ADAM17: variants seen among roughly 807,000 people sequenced by gnomAD.
ADAM17 encodes the protein ADAM metallopeptidase domain 17.
A neutral mutation model predicts 96.7 loss-of-function variants in ADAM17; 39 were observed. The observed-to-expected ratio is 0.40, with a 90% CI of 0.31 to 0.53. The LOEUF is 0.53. ADAM17 is among the 20% of genes least tolerant of loss of function. The probability of loss-of-function intolerance (pLI) is 0.44; values close to 1 mark genes in which losing one functional copy is unlikely to be tolerated. For missense variants in ADAM17, 777 were observed against 1,013.2 expected (o/e 0.77, Z 3.17); for synonymous variants, 344 against 359.2 (o/e 0.96, Z 0.48).
rs190898474 is a variant in ADAM17, at chr2:9,527,974, C to T, written c.451-20G>A. 9.4e-5 allele frequency: 133 copies of T among 1,421,920 alleles called. No individual in the cohort carries two copies. In the East Asian group the frequency reaches 1.5e-3, roughly 16 times the overall value. The allele number at this position is 1,421,920 out of a possible 1,614,324, so 88.1% of individuals were successfully genotyped here. ...AAGTGGCTAAAACAGAAAATATATA[C>T]GACTGAGATGGAAAACAATAATAAT... On this transcript the variant is annotated intron_variant, in intron 4 of 18. Coordinates refer to ENST00000310823, the MANE Select transcript of ADAM17 (RefSeq NM_003183.6).
intron 7 of ADAM17, 121 bp from the exon 8 acceptor site, chr2:9,521,437 A>G: frequency 1.6e-6 from 1 of 637,154 alleles, no homozygotes; most frequent in African/African-American, 1.9e-5. Context: ...TTTTAAAACC[A>G]AAATTCATAA....
chr2:9,541,542 G>A (rs1471447582), intron 2 of ADAM17, among the ~76,000 whole-genome samples: 2 of 152,110 alleles, frequency 1.3e-5, no homozygotes, highest in African/African-American at 4.8e-5. Flanking sequence ...CAGTCTGGGC[G>A]ACAAGAGCAA....
chr2:9,494,861 G>C, intron 14 of ADAM17, 94 bp from the exon 15 acceptor site: 4 of 1,469,320 alleles, frequency 2.7e-6, no homozygotes, highest in Non-Finnish European at 2.8e-6. Context: ...TCCCAAAGAG[G>C]TAAGAAATCA....
chr2:9,530,233 G>T (rs1478399416), intron 4 of ADAM17, among the ~76,000 whole-genome samples: 1 of 152,158 alleles, frequency 6.6e-6, no homozygotes, highest in Non-Finnish European at 1.5e-5. Context: ...GAATAGGAGT[G>T]AAATTTTTTT....
chr2:9,513,611 G>A (rs1663865261), intron 10 of ADAM17, among the ~76,000 whole-genome samples: 3 of 152,122 alleles, frequency 2.0e-5, no homozygotes, highest in Non-Finnish European at 4.4e-5. Context: ...ATCCCCACAC[G>A]TTTGGTCTGG....
At chr2:9,505,479 C>A in intron 11 of ADAM17, 114 bp from the exon 12 acceptor site, 2 of 1,102,640 alleles carry the variant, frequency 1.8e-6, no homozygotes, top group Non-Finnish European at 2.6e-6. Flanking sequence ...CCATCAGAGC[C>A]ACCCTGGAGT....
intron 4 of ADAM17, among the ~76,000 whole-genome samples, chr2:9,529,123 G>A (rs1215669683): frequency 6.6e-6 from 1 of 152,178 alleles, no homozygotes; most frequent in Non-Finnish European, 1.5e-5. Context: ...CTACAACACA[G>A]ATGAACCTTG....
At chr2:9,546,715 C>CTTTTTTTTTTTTT (rs59009659) in intron 1 of ADAM17, among the ~76,000 whole-genome samples, 1 of 137,828 alleles carries the variant, frequency 7.3e-6, no homozygotes, top group Non-Finnish European at 1.5e-5. Flanking sequence ...TGGCCATATT[C>CTTTTTTTTTTTTT]TTTTTTTTTT....
rs771556813 is a variant in ADAM17, at chr2:9,490,273, C to A, written c.2379G>T (p.Glu793Asp). 6.2e-7 allele frequency: 1 copy of A among 1,614,178 alleles called. No homozygotes were observed. The highest frequency in any genetic ancestry group is 1.7e-5 in the Admixed American group (1 of 60,020). The change falls in exon 19 of 19, where the codon GAG becomes GAT. Residue 793 changes from glutamate (E) to aspartate (D), a missense_variant. Physicochemically the swap from Glu to Asp is conservative, Grantham distance 45. Around this residue, in one of 3 missense-constraint regions of ADAM17, gnomAD observed 197 missense variants for 219.4 expected, o/e 0.90. Coordinates refer to ENST00000310823, the MANE Select transcript of ADAM17 (RefSeq NM_003183.6). ...TGGTGACCGGATGGTCCGTGAGATCCTCAAATGACTTGGCAGCTGTGCTGC... is the reference window on the plus strand; with the variant it reads ...TGGTGACCGGATGGTCCGTGAGATCATCAAATGACTTGGCAGCTGTGCTGC... ...PNSSTAAKSFEDLTDHPVTRS... is the reference protein window; with the variant it reads ...PNSSTAAKSFDDLTDHPVTRS...
At chr2:9,492,793 G>T in intron 17 of ADAM17, 105 bp downstream of exon 17, 2 of 932,506 alleles carry the variant, frequency 2.1e-6, no homozygotes, top group Non-Finnish European at 3.1e-6. Flanking sequence ...GAAATATCAG[G>T]CCAAACTTTG....
In ADAM17 at chr2:9,517,982, A is replaced by G; in HGVS notation, c.1110T>C (p.Tyr370=). ...AGATATTTTTCTTCCCAACTGGGCTATAATAAGCTAAAGTCAAAAGGAAAC... is the reference window on the plus strand; with the variant it reads ...AGATATTTTTCTTCCCAACTGGGCTGTAATAAGCTAAAGTCAAAAGGAAAC... ...SHGGVCPKAY[Y]SPVGKKNIYL... is the part of the protein sequence containing the mutation. Residue 370 remains tyrosine, a synonymous_variant, in exon 10 of 19, where the codon TAT becomes TAC. Transcript: ENST00000310823. 6.3e-7 allele frequency: 1 copy of G among 1,598,992 alleles called. No individual in the cohort carries two copies. Among genetic ancestry groups the G allele is most frequent in the Non-Finnish European group, 8.5e-7 (1 of 1,175,404 alleles).
At position 9,555,500 on chromosome 2, in the gene ADAM17, G is replaced by A. The variant is rs1221178899; in HGVS notation, c.97+9C>T. ...GCGCCGGCCTAAGCCAACTCCCCTG[G>A]GTCTTTACCGAGTCTCTGGTGGGGG... On this transcript the variant is annotated intron_variant, in intron 1 of 18. Transcript: ENST00000310823. 1 of 1,584,902 alleles carries A rather than the reference G, an allele frequency of 6.3e-7. No homozygotes were observed. The highest frequency in any genetic ancestry group is 1.1e-5 in the South Asian group (1 of 86,988).
At chr2:9,520,580 G>A (rs900447030) in intron 8 of ADAM17, among the ~76,000 whole-genome samples, 2 of 152,130 alleles carry the variant, frequency 1.3e-5, no homozygotes, top group African/African-American at 4.8e-5. Context: ...GAAACAGTGT[G>A]CAAAAACTCT....
intron 1 of ADAM17, among the ~76,000 whole-genome samples, chr2:9,548,049 G>A (rs1468624462): frequency 1.3e-5 from 2 of 149,504 alleles, no homozygotes; most frequent in African/African-American, 2.5e-5. Flanking sequence ...CCTAGGCAAC[G>A]AGGCCAGATC....
intron 1 of ADAM17, among the ~76,000 whole-genome samples, chr2:9,551,820 C>T (rs956067713): frequency 2.0e-5 from 3 of 152,240 alleles, no homozygotes; most frequent in East Asian, 1.9e-4. Context: ...ACGAAGCATT[C>T]GAAAGCAAAG....
chr2:9,496,976 T>A (rs1301323757), intron 14 of ADAM17, 138 bp downstream of exon 14: 1 of 1,318,280 alleles, frequency 7.6e-7, no homozygotes, highest in Non-Finnish European at 1.0e-6. Context: ...GACACCACCC[T>A]GCCCTTCCCC....
At chr2:9,549,686 G>C (rs918502190) in intron 1 of ADAM17, among the ~76,000 whole-genome samples, 1 of 151,884 alleles carries the variant, frequency 6.6e-6, no homozygotes, top group South Asian at 2.1e-4. Flanking sequence ...GCTAATTTTT[G>C]TTTCTATTTT....
chr2:9,497,284 G>A (rs1302373610), intron 13 of ADAM17, 36 bp from the exon 14 acceptor site: 10 of 1,612,008 alleles, frequency 6.2e-6, no homozygotes, highest in Non-Finnish European at 7.6e-6. Context: ...AAAAGAATGA[G>A]TCACAGGTCC....
chr2:9,534,164 A>G (rs1376769834), intron 4 of ADAM17, among the ~76,000 whole-genome samples: 2 of 152,126 alleles, frequency 1.3e-5, no homozygotes, highest in Non-Finnish European at 2.9e-5. Flanking sequence ...AGGTCAGGAG[A>G]TCGAGACCAT....
Sources: gnomAD v4.1 joint callset for allele counts (sites outside exome capture counted in the v4.1 genomes callset) on GRCh38, gnomAD v4.1.1 for gene constraint, gnomAD v4.1.1 regional missense constraint, MANE v1.5 for transcripts, NCBI Gene and HGNC (gene_info 2026-07-23, HGNC 2026-07-21) for gene names.